MAP7D2: variants seen among roughly 807,000 people sequenced by gnomAD.
MAP7D2 encodes the protein MAP7 domain containing 2.
In MAP7D2, 33 loss-of-function variants were observed where a neutral mutation model predicts 63.5. The observed-to-expected ratio is 0.52, with a 90% CI of 0.39 to 0.70. The LOEUF is 0.70. Ranked by LOEUF, MAP7D2 falls within the 30% of genes least tolerant of loss-of-function variation. The pLI is 0.00. For missense variants in MAP7D2, 626 were observed against 604.0 expected (o/e 1.04, Z -0.38); for synonymous variants, 224 against 223.7 (o/e 1.00, Z -0.01).
At position 20,069,111 on chromosome X, in the gene MAP7D2, A is replaced by G. The variant is rs529908003; in HGVS notation, c.131-4306T>C. Among the ~76,000 whole-genome samples, 5 of 112,170 alleles carry G rather than the reference A, an allele frequency of 4.5e-5. No homozygotes were observed. In the South Asian group the frequency reaches 1.5e-3, roughly 34 times the overall value. The stretch of plus-strand genomic sequence containing the variant: ...ACAGTGCTGAATTCAGTTCCAAAAG[A>G]AAGTCTTTATGTATGGCCTGAAATC... On this transcript the variant is annotated intron_variant, in intron 1 of 16. Transcript: ENST00000379643.
intron 1 of MAP7D2, among the ~76,000 whole-genome samples, chrX:20,088,013 C>A (rs370730024): frequency 4.7e-5 from 5 of 105,856 alleles, no homozygotes; most frequent in Non-Finnish European, 7.7e-5. Flanking sequence ...CCTCAGCCTC[C>A]TGAATAGTTG....
At chrX:20,070,150 T>C (rs1417166081) in intron 1 of MAP7D2, among the ~76,000 whole-genome samples, 1 of 111,411 alleles carries the variant, frequency 9.0e-6, no homozygotes, top group Non-Finnish European at 1.9e-5. Context: ...GGTTTCACCA[T>C]GTTGGTCAAG....
chrX:20,054,093 C>T lies in MAP7D2; in HGVS notation c.485-1105G>A, dbSNP rs183362650. The stretch of plus-strand genomic sequence containing the variant: ...TCTTGACCTCGTGATCTGCCTCAGC[C>T]TCCCAAAGTGCTGGGATTACAGGCG... On this transcript the variant is annotated intron_variant, in intron 4 of 16. Coordinates refer to ENST00000379643, the MANE Select transcript of MAP7D2 (RefSeq NM_001168465.2). Among the ~76,000 whole-genome samples the T allele has an allele frequency of 2.6e-3, 292 of 112,460 alleles. 1 individual carries two copies. The highest frequency in any genetic ancestry group is 8.8e-3 in the African/African-American group (271 of 30,940).
chrX:20,045,361 T>C (rs1302543979), intron 6 of MAP7D2, among the ~76,000 whole-genome samples: 1 of 108,400 alleles, frequency 9.2e-6, no homozygotes, highest in Non-Finnish European at 1.9e-5. Flanking sequence ...ACCACAGCCC[T>C]TCAAAAAATA....
intron 10 of MAP7D2, among the ~76,000 whole-genome samples, chrX:20,017,810 G>A (rs1247270470): frequency 1.8e-5 from 2 of 111,608 alleles, no homozygotes; most frequent in African/African-American, 6.5e-5. Flanking sequence ...AAGGTTAACT[G>A]AAGTACCATT....
chrX:20,054,952 C>A (rs1450607826), intron 4 of MAP7D2, among the ~76,000 whole-genome samples: 2 of 112,275 alleles, frequency 1.8e-5, no homozygotes, highest in Non-Finnish European at 3.8e-5. Flanking sequence ...AGCAAAACTG[C>A]TGTTACGAAG....
chrX:20,104,027 A>C (rs1569151851), intron 1 of MAP7D2, among the ~76,000 whole-genome samples: 1 of 112,080 alleles, frequency 8.9e-6, no homozygotes, highest in Non-Finnish European at 1.9e-5. Flanking sequence ...CAACTAAGAG[A>C]AATTAAAGTT....
intron 5 of MAP7D2, among the ~76,000 whole-genome samples, chrX:20,052,087 G>A (rs1038781255): frequency 2.7e-5 from 3 of 112,165 alleles, no homozygotes; most frequent in African/African-American, 9.7e-5. Context: ...CTGCCAAGTC[G>A]CAACCAGCCT....
intron 1 of MAP7D2, among the ~76,000 whole-genome samples, chrX:20,115,960 A>G (rs919307810): frequency 8.9e-6 from 1 of 112,919 alleles, no homozygotes; most frequent in Admixed American, 9.3e-5. Context: ...ACTACCTGCA[A>G]CCACTTTACA....
chrX:20,035,492 A>T (rs753418084), intron 8 of MAP7D2, among the ~76,000 whole-genome samples: 1 of 111,569 alleles, frequency 9.0e-6, no homozygotes, highest in African/African-American at 3.3e-5. Context: ...TGGAAATTAA[A>T]TTTTTTTTCT....
intron 6 of MAP7D2, among the ~76,000 whole-genome samples, chrX:20,048,426 C>T (rs931570127): frequency 4.5e-5 from 5 of 110,961 alleles, no homozygotes; most frequent in African/African-American, 1.6e-4. Flanking sequence ...GCCTGGTCTT[C>T]CCAGGACTTT....
intron 3 of MAP7D2, among the ~76,000 whole-genome samples, chrX:20,059,675 G>A (rs373111308): frequency 9.3e-4 from 96 of 102,678 alleles, no homozygotes; most frequent in African/African-American, 3.1e-3. Context: ...TAGGAAGGAA[G>A]AAAGACAGGA....
At position 20,116,884 on chromosome X, in the gene MAP7D2, A is replaced by G. The variant is rs775617599; in HGVS notation, c.-5T>C. 1 of 1,112,465 alleles carries G rather than the reference A, an allele frequency of 9.0e-7. No individual in the cohort carries two copies. Among genetic ancestry groups the G allele is most frequent in the South Asian group, 2.2e-5 (1 of 44,899 alleles). 91.7% of individuals were successfully genotyped at this position (1,112,465 alleles called of 1,213,427 possible). A position where few individuals can be genotyped will look rare whatever the true frequency, so the allele number is the denominator to read the frequency against. The stretch of plus-strand genomic sequence containing the variant: ...GCCGCCGCCGCCGCGCTCCATCGGG[A>G]TGCGCCGGCCGCACAGGCGCACTGC... On this transcript the variant is annotated 5_prime_UTR_variant, in exon 1 of 17. Transcript: ENST00000379643.
intron 1 of MAP7D2, among the ~76,000 whole-genome samples, chrX:20,084,792 C>T (rs919033704): frequency 8.1e-5 from 9 of 110,896 alleles, no homozygotes; most frequent in African/African-American, 2.9e-4. Context: ...TGGTCTCGAA[C>T]TCCTGACCTC....
intron 1 of MAP7D2, among the ~76,000 whole-genome samples, chrX:20,100,155 G>C (rs969903401): frequency 8.9e-6 from 1 of 112,104 alleles, no homozygotes; most frequent in African/African-American, 3.2e-5. Context: ...TCATGAAGTG[G>C]TGCTTAGTTT....
At chrX:20,070,261 CTTATTTAT>C (rs34768588) in intron 1 of MAP7D2, among the ~76,000 whole-genome samples, 3,877 of 102,979 alleles carry the variant, frequency 0.038, 151 homozygotes, top group African/African-American at 0.1. Flanking sequence ...CAATTTTTTT[CTTATTTAT>C]TTATTTATTT....
At chrX:20,024,917 T>A in intron 10 of MAP7D2, 34 bp downstream of exon 10, 5 of 1,194,173 alleles carry the variant, frequency 4.2e-6, no homozygotes, top group Non-Finnish European at 5.7e-6. Flanking sequence ...AACAGTTACA[T>A]GAGATCACAC....
intron 12 of MAP7D2, among the ~76,000 whole-genome samples, chrX:20,014,177 A>G (rs1025859714): frequency 8.8e-6 from 1 of 113,058 alleles, no homozygotes; most frequent in African/African-American, 3.2e-5. Flanking sequence ...GAATTAAAAT[A>G]ACAATTCCTG....
rs769772740 is a variant in MAP7D2 at position 20,059,621 on chromosome X, A to T, written c.373-2830T>A. 2.3e-3 allele frequency among the ~76,000 whole-genome samples: 229 copies of T among 99,661 alleles called. 1 individual carries two copies. Among genetic ancestry groups the T allele is most frequent in the African/African-American group, 7.8e-3 (209 of 26,683 alleles). 86.5% of individuals were successfully genotyped at this position (99,661 alleles called of 115,157 possible). The stretch of plus-strand genomic sequence containing the variant: ...AAGGAAGGAAGGAAGGAAGGAAGGA[A>T]GGAAGGGTGGAAGGAAGGAAGGAAG... On this transcript the variant is annotated intron_variant, in intron 3 of 16. Transcript: ENST00000379643.
Sources: gnomAD v4.1 joint callset for allele counts (sites outside exome capture counted in the v4.1 genomes callset) on GRCh38, gnomAD v4.1.1 for gene constraint, MANE v1.5 for transcripts, NCBI Gene and HGNC (gene_info 2026-07-23, HGNC 2026-07-21) for gene names.